The following NLGN1 variants were observed in gnomAD, a reference collection of about 807,000 sequenced individuals.
NLGN1 encodes neuroligin-1.
NLGN1 carries 12 observed loss-of-function variants against 65.5 expected under a neutral mutation model. That is an observed-to-expected ratio of 0.18 (90% CI 0.12 to 0.30). The LOEUF is 0.30. Among genes scored for constraint, NLGN1 ranks in the 10% least tolerant of loss-of-function variants. The probability of loss-of-function intolerance (pLI) is 1.00; values close to 1 mark genes in which losing one functional copy is unlikely to be tolerated. For synonymous variants in NLGN1, 350 were observed against 359.5 expected (o/e 0.97, Z 0.30); for missense variants, 750 against 1,007.1 (o/e 0.74, Z 3.46).
chr3:173,591,421 C>A (rs1007450310), intron 2 of NLGN1, among the ~76,000 whole-genome samples: 2 of 152,142 alleles, frequency 1.3e-5, no homozygotes, highest in African/African-American at 4.8e-5. Flanking sequence ...GACAGGAAAC[C>A]ATTATTGCTG....
intron 2 of NLGN1, among the ~76,000 whole-genome samples, chr3:173,522,707 A>G (rs1734970408): frequency 6.6e-6 from 1 of 152,180 alleles, no homozygotes; most frequent in African/African-American, 2.4e-5. Context: ...TGCTGCGATT[A>G]CAGGTGTGAG....
intron 4 of NLGN1, among the ~76,000 whole-genome samples, chr3:173,884,336 G>C: frequency 6.6e-6 from 1 of 152,084 alleles, no homozygotes. Flanking sequence ...CTAGGCATGC[G>C]CAAACATCCC....
chr3:173,439,574 A>G (rs1299835276), intron 2 of NLGN1, among the ~76,000 whole-genome samples: 1 of 151,228 alleles, frequency 6.6e-6, no homozygotes, highest in Non-Finnish European at 1.5e-5. Flanking sequence ...GATATATTGT[A>G]GGTTTTGTTC....
intron 4 of NLGN1, among the ~76,000 whole-genome samples, chr3:174,095,286 T>C (rs1426876587): frequency 1.3e-5 from 2 of 151,440 alleles, no homozygotes; most frequent in African/African-American, 4.8e-5. Context: ...GGAGCTAAAT[T>C]TGGCTAAAGA....
intron 4 of NLGN1, among the ~76,000 whole-genome samples, chr3:174,151,814 G>C (rs778713296): frequency 6.6e-6 from 1 of 152,050 alleles, no homozygotes; most frequent in African/African-American, 2.4e-5. Flanking sequence ...TAAAGTCTTC[G>C]AAAGAGTTCC....
chr3:173,646,657 A>G (rs1182468823), intron 3 of NLGN1, among the ~76,000 whole-genome samples: 1 of 152,180 alleles, frequency 6.6e-6, no homozygotes, highest in Non-Finnish European at 1.5e-5. Flanking sequence ...TCCACTATAA[A>G]CCCTAAATCA....
chr3:173,415,943 A>AGCGAGAGC lies in NLGN1; in HGVS notation c.-390+17458_-390+17459insGAGAGCGC, dbSNP rs1553844364. 2.3e-3 allele frequency among the ~76,000 whole-genome samples: 330 copies of AGCGAGAGC among 142,614 alleles called. 5 individuals are homozygous for AGCGAGAGC. The highest frequency in any genetic ancestry group is 8.5e-3 in the African/African-American group (301 of 35,594). The allele number at this position is 142,614 out of a possible 152,430, so 93.6% of individuals were successfully genotyped here. A position where few individuals can be genotyped will look rare whatever the true frequency, so the allele number is the denominator to read the frequency against. On this transcript the variant is annotated intron_variant, in intron 1 of 6. Coordinates refer to ENST00000457714, the Ensembl canonical transcript of NLGN1. ...GGGAGAGAGAGAGAGAGAGAGAGAG[A>AGCGAGAGC]GCTTGGTATAGAGCCTAACACACAA... is the stretch of plus-strand genomic sequence containing the variant.
chr3:173,725,808 T>C (rs1313079771), intron 3 of NLGN1, among the ~76,000 whole-genome samples: 1 of 152,150 alleles, frequency 6.6e-6, no homozygotes, highest in Non-Finnish European at 1.5e-5. Context: ...TGCCTCAGGT[T>C]GTTGGCAGCA....
intron 4 of NLGN1, among the ~76,000 whole-genome samples, chr3:174,083,904 T>C (rs186158393): frequency 3.3e-5 from 5 of 152,074 alleles, no homozygotes; most frequent in Non-Finnish European, 7.4e-5. Flanking sequence ...CTGCACATTA[T>C]GAAGAAACAA....
At chr3:173,958,720 A>T (rs1389096879) in intron 4 of NLGN1, among the ~76,000 whole-genome samples, 1 of 150,594 alleles carries the variant, frequency 6.6e-6, no homozygotes, top group Non-Finnish European at 1.5e-5. Flanking sequence ...TTCACTAGGG[A>T]CTCTCCCCTT....
chr3:173,475,594 T>A (rs4894614), intron 2 of NLGN1, among the ~76,000 whole-genome samples: 75,070 of 151,998 alleles, frequency 0.49, 20,791 homozygotes, highest in East Asian at 0.85. Flanking sequence ...AGCAAATACT[T>A]CATCTTGTCT....
intron 3 of NLGN1, among the ~76,000 whole-genome samples, chr3:173,704,333 G>C (rs1246416922): frequency 6.6e-6 from 1 of 152,086 alleles, no homozygotes; most frequent in Non-Finnish European, 1.5e-5. Context: ...GGTCAAAATT[G>C]GTGGCCAAGC....
At chr3:174,105,877 C>G (rs1713667506) in intron 4 of NLGN1, among the ~76,000 whole-genome samples, 1 of 152,060 alleles carries the variant, frequency 6.6e-6, no homozygotes, top group Non-Finnish European at 1.5e-5. Flanking sequence ...AATGGCTACA[C>G]TATCCCATGG....
chr3:174,049,383 TGACAGTTATAGATAG>T (rs1734316010), intron 4 of NLGN1, among the ~76,000 whole-genome samples: 3 of 152,070 alleles, frequency 2.0e-5, no homozygotes, highest in African/African-American at 7.2e-5. Context: ...AAGATGCATG[TGACAGTTATAGATAG>T]GACAAAGGAG....
At chr3:173,435,312 T>C (rs914039631) in intron 2 of NLGN1, among the ~76,000 whole-genome samples, 5 of 152,160 alleles carry the variant, frequency 3.3e-5, no homozygotes, top group Non-Finnish European at 5.9e-5. Context: ...GAGTGTACAC[T>C]TTTTCTCCTT....
chr3:173,583,205 T>G (rs1453673620), intron 2 of NLGN1, among the ~76,000 whole-genome samples: 1 of 152,260 alleles, frequency 6.6e-6, no homozygotes, highest in Non-Finnish European at 1.5e-5. Flanking sequence ...ATTATATTGA[T>G]AATTTCTTAC....
chr3:173,884,246 T>G (rs570898729), intron 4 of NLGN1, among the ~76,000 whole-genome samples: 1 of 152,168 alleles, frequency 6.6e-6, no homozygotes, highest in South Asian at 2.1e-4. Context: ...TTTAAAAAAA[T>G]AAAAAGTAAG....
intron 4 of NLGN1, among the ~76,000 whole-genome samples, chr3:174,050,732 G>C (rs1379979230): frequency 6.6e-6 from 1 of 151,842 alleles, no homozygotes; most frequent in Non-Finnish European, 1.5e-5. Flanking sequence ...TTCCCATTTA[G>C]AATGGCTTTA....
intron 4 of NLGN1, among the ~76,000 whole-genome samples, chr3:174,161,349 G>A (rs1726464323): frequency 6.6e-6 from 1 of 151,848 alleles, no homozygotes; most frequent in African/African-American, 2.4e-5. Flanking sequence ...ACTCCAGATA[G>A]AAGGAGCAAA....
Sources: gnomAD v4.1 joint callset for allele counts (sites outside exome capture counted in the v4.1 genomes callset) on GRCh38, gnomAD v4.1.1 for gene constraint, MANE v1.5 for transcripts, NCBI Gene and HGNC (gene_info 2026-07-23, HGNC 2026-07-21) for gene names.